The following PDE1A variants were observed in gnomAD, a reference collection of about 807,000 sequenced individuals.
PDE1A encodes phosphodiesterase 1A.
Under a neutral mutation model 61.7 loss-of-function variants are expected in PDE1A, and 35 were observed. The observed-to-expected ratio is 0.57, with a 90% confidence interval of 0.43 to 0.75. PDE1A has a LOEUF of 0.75. Among genes scored for constraint, PDE1A ranks in the 30% least tolerant of loss-of-function variants. The pLI, the probability that PDE1A is intolerant of heterozygous loss-of-function variation, is 0.00. For missense variants in PDE1A, 597 were observed against 630.6 expected (o/e 0.95, Z 0.57); for synonymous variants, 232 against 213.2 (o/e 1.09, Z -0.77).
exon 15 of PDE1A, chr2:182,140,717 G>A (rs538148202): frequency 3.9e-5 from 6 of 152,304 alleles, no homozygotes; most frequent in African/African-American, 1.4e-4. Context: ...CCTCTCTTCA[G>A]ATGGCCTCAA....
chr2:182,540,019 A>T, the PDE1A span, among the ~76,000 whole-genome samples: 4 of 152,210 alleles, frequency 2.6e-5, no homozygotes, highest in Non-Finnish European at 5.9e-5. Context: ...TAAGACATTG[A>T]CCTAAAGTTC....
chr2:182,675,817 A>C, the PDE1A span, among the ~76,000 whole-genome samples: 1 of 151,948 alleles, frequency 6.6e-6, no homozygotes, highest in South Asian at 2.1e-4. Flanking sequence ...TTTCTCTTGT[A>C]ATTTGTTTAA....
chr2:182,619,902 C>A, the PDE1A span, among the ~76,000 whole-genome samples: 1 of 152,112 alleles, frequency 6.6e-6, no homozygotes, highest in African/African-American at 2.4e-5. Flanking sequence ...AAGGCAGAAG[C>A]GCAAGAGAAC....
At chr2:182,457,556 G>A (rs904004648) in intron 2 of PDE1A, among the ~76,000 whole-genome samples, 2 of 151,916 alleles carry the variant, frequency 1.3e-5, no homozygotes, top group African/African-American at 4.8e-5. Flanking sequence ...TCTATGAAAA[G>A]GTCCTTTGGA....
At chr2:182,690,703 T>C in the PDE1A span, among the ~76,000 whole-genome samples, 163 of 152,196 alleles carry the variant, frequency 1.1e-3, no homozygotes, top group Non-Finnish European at 1.8e-3. Flanking sequence ...GAGAAAGAAA[T>C]AAAGGGTATT....
At chr2:182,646,583 C>G in the PDE1A span, among the ~76,000 whole-genome samples, 4 of 151,650 alleles carry the variant, frequency 2.6e-5, no homozygotes, top group South Asian at 8.3e-4. Context: ...TATTCGGAGG[C>G]TGAGGCAGGA....
chr2:182,437,218 G>GA (rs199749366), intron 2 of PDE1A, among the ~76,000 whole-genome samples: 1,961 of 152,008 alleles, frequency 0.013, 27 homozygotes, highest in South Asian at 0.047. Context: ...AACTCTTGGG[G>GA]AAAAAATCAG....
At position 182,432,628 on chromosome 2, in the gene PDE1A, T is replaced by G. The variant is rs377216287; in HGVS notation, c.101+89648A>C. On this transcript the variant is annotated intron_variant, in intron 2 of 14. Transcript: ENST00000410103. The stretch of plus-strand genomic sequence containing the variant: ...ATCATTAATGCTATCTCATCATCTT[T>G]TTATATAAATACATATTCTTTTTCT... 3.8e-4 allele frequency among the ~76,000 whole-genome samples: 58 copies of G among 152,214 alleles called. 1 individual carries two copies. The highest frequency in any genetic ancestry group is 1.3e-3 in the African/African-American group (56 of 41,566).
chr2:182,283,941 T>G (rs546610843), intron 1 of PDE1A, among the ~76,000 whole-genome samples: 2 of 152,220 alleles, frequency 1.3e-5, no homozygotes, highest in Admixed American at 1.3e-4. Context: ...ATGAAGCCTA[T>G]TGCCACTTAG....
At chr2:182,212,218 A>T (rs1250931821) in intron 7 of PDE1A, among the ~76,000 whole-genome samples, 2 of 149,794 alleles carry the variant, frequency 1.3e-5, no homozygotes, top group African/African-American at 4.9e-5. Flanking sequence ...CGTACGAGAT[A>T]ATGTCTTGAA....
chr2:182,620,141 T>C, the PDE1A span, among the ~76,000 whole-genome samples: 73 of 152,102 alleles, frequency 4.8e-4, no homozygotes, highest in African/African-American at 1.7e-3. Context: ...GTATAGAATC[T>C]CATAAAATAA....
chr2:182,537,337 T>C, the PDE1A span, among the ~76,000 whole-genome samples: 1 of 152,324 alleles, frequency 6.6e-6, no homozygotes, highest in South Asian at 2.1e-4. Context: ...AATGAGTTCA[T>C]GTCCTTTGCA....
At chr2:182,194,319 G>A (rs1389411500) in intron 10 of PDE1A, among the ~76,000 whole-genome samples, 2 of 152,094 alleles carry the variant, frequency 1.3e-5, no homozygotes, top group Non-Finnish European at 2.9e-5. Flanking sequence ...TGACATGTGT[G>A]TTCAAGAGGA....
rs188928025 is a variant in PDE1A at position 182,463,069 on chromosome 2, C to T, written c.101+59207G>A. Among the ~76,000 whole-genome samples, 564 of 151,758 alleles carry T rather than the reference C, an allele frequency of 3.7e-3. 1 individual carries two copies. The highest frequency in any genetic ancestry group is 0.013 in the African/African-American group (535 of 41,424). On this transcript the variant is annotated intron_variant, in intron 2 of 14. Transcript: ENST00000410103. ...CAGCCTGGCCAACGGGGAGAAACCCCGTCTCTACTAAAAATACAATAATTA... is the reference window on the plus strand; with the variant it reads ...CAGCCTGGCCAACGGGGAGAAACCCTGTCTCTACTAAAAATACAATAATTA...
At chr2:182,709,714 C>A in the PDE1A span, among the ~76,000 whole-genome samples, 1 of 152,130 alleles carries the variant, frequency 6.6e-6, no homozygotes, top group Admixed American at 6.5e-5. Context: ...ATACATATAT[C>A]ATGGTGCTGT....
At chr2:182,313,003 A>T (rs953579885) in intron 1 of PDE1A, among the ~76,000 whole-genome samples, 1 of 152,184 alleles carries the variant, frequency 6.6e-6, no homozygotes, top group Non-Finnish European at 1.5e-5. Context: ...TAATACATAG[A>T]TCTTGCATAT....
chr2:182,613,872 G>A, the PDE1A span, among the ~76,000 whole-genome samples: 2 of 152,158 alleles, frequency 1.3e-5, no homozygotes, highest in Admixed American at 6.5e-5. Flanking sequence ...TCAATACAGT[G>A]CAAACAGGGT....
intron 7 of PDE1A, among the ~76,000 whole-genome samples, chr2:182,219,917 CTATT>C (rs536475439): frequency 1.8e-4 from 28 of 152,116 alleles, no homozygotes; most frequent in African/African-American, 5.8e-4. Flanking sequence ...ACAATAAAAA[CTATT>C]TAATAACAAC....
chr2:182,714,578 T>C, the PDE1A span, among the ~76,000 whole-genome samples: 29 of 151,940 alleles, frequency 1.9e-4, no homozygotes, highest in Non-Finnish European at 2.5e-4. Context: ...CTTTTTTTTT[T>C]CCCCCAAGAC....
Sources: allele counts gnomAD v4.1 joint callset (sites outside exome capture counted in the v4.1 genomes callset), GRCh38; gene constraint gnomAD v4.1.1; transcripts MANE v1.5; gene names NCBI Gene and HGNC (gene_info 2026-07-23, HGNC 2026-07-21).